SEMA6D: variants seen among roughly 807,000 people sequenced by gnomAD.
SEMA6D encodes semaphorin-6D.
SEMA6D carries 35 observed loss-of-function variants against 106.6 expected under a neutral mutation model. The ratio of observed to expected loss-of-function variants is 0.33; its 90% CI spans 0.25 to 0.44. The LOEUF (loss-of-function observed/expected upper bound fraction) is 0.44. Among genes scored for constraint, SEMA6D ranks in the 20% least tolerant of loss-of-function variants. The pLI, the probability that SEMA6D is intolerant of heterozygous loss-of-function variation, is 1.00. For synonymous variants in SEMA6D, 499 were observed against 487.7 expected (o/e 1.02, Z -0.31); for missense variants, 1,185 against 1,345.9 (o/e 0.88, Z 1.87).
At chr15:47,456,502 C>T (rs1008366131) in intron 2 of SEMA6D, among the ~76,000 whole-genome samples, 4 of 151,796 alleles carry the variant, frequency 2.6e-5, no homozygotes, top group East Asian at 1.9e-4. Context: ...TTAGAGCTGC[C>T]GCTAGAATTT....
chr15:47,415,011 TA>T (rs2040914125), intron 2 of SEMA6D, among the ~76,000 whole-genome samples: 1 of 152,150 alleles, frequency 6.6e-6, no homozygotes, highest in Admixed American at 6.5e-5. Context: ...AAATAATAAG[TA>T]AAAAATACTT....
At chr15:47,409,327 G>A (rs2040703641) in intron 1 of SEMA6D, among the ~76,000 whole-genome samples, 1 of 152,148 alleles carries the variant, frequency 6.6e-6, no homozygotes, top group South Asian at 2.1e-4. Context: ...TGCCTGAAAT[G>A]CACCCTCAGC....
chr15:47,490,554 A>G (rs1340607344), intron 3 of SEMA6D, among the ~76,000 whole-genome samples: 1 of 152,166 alleles, frequency 6.6e-6, no homozygotes, highest in African/African-American at 2.4e-5. Context: ...CTGAGGCAGG[A>G]GAATCACTGG....
intron 1 of SEMA6D, among the ~76,000 whole-genome samples, chr15:47,217,379 G>T (rs1441641291): frequency 6.6e-6 from 1 of 152,088 alleles, no homozygotes; most frequent in Non-Finnish European, 1.5e-5. Context: ...TTTGAACCAG[G>T]TATACCTTGT....
intron 3 of SEMA6D, among the ~76,000 whole-genome samples, chr15:47,509,591 A>G (rs1217819838): frequency 6.6e-6 from 1 of 152,152 alleles, no homozygotes; most frequent in African/African-American, 2.4e-5. Flanking sequence ...CCATACAGCT[A>G]CTTTCTATCC....
At position 47,282,409 on chromosome 15, in the gene SEMA6D, A is replaced by G. The variant is rs141408414; in HGVS notation, c.-239+97991A>G. ...AATAGAATACTATACAGCAGGGAGA[A>G]TAAATACTCACAGTATCCTATTATA... is the stretch of plus-strand genomic sequence containing the variant. On this transcript the variant is annotated intron_variant, in intron 1 of 19. Coordinates refer to the SEMA6D transcript ENST00000558014. Among the ~76,000 whole-genome samples, 679 of 152,280 alleles carry G rather than the reference A, an allele frequency of 4.5e-3. 9 individuals carry two copies. The highest frequency in any genetic ancestry group is 0.015 in the African/African-American group (639 of 41,576).
At chr15:47,496,245 A>AC (rs2043653808) in intron 3 of SEMA6D, among the ~76,000 whole-genome samples, 1 of 152,086 alleles carries the variant, frequency 6.6e-6, no homozygotes, top group Non-Finnish European at 1.5e-5. Context: ...TTAGACCTGA[A>AC]CCATATTTTG....
At chr15:47,473,235 C>T (rs2042905798) in intron 3 of SEMA6D, among the ~76,000 whole-genome samples, 1 of 152,174 alleles carries the variant, frequency 6.6e-6, no homozygotes, top group Admixed American at 6.5e-5. Flanking sequence ...GCACTCTGGG[C>T]CCTTCCCCTC....
intron 3 of SEMA6D, among the ~76,000 whole-genome samples, chr15:47,555,130 CA>C (rs1161733428): frequency 2.0e-5 from 3 of 152,130 alleles, no homozygotes; most frequent in African/African-American, 7.2e-5. Flanking sequence ...GCCACTTCCC[CA>C]GGAGGATGTT....
At chr15:47,545,774 T>G (rs2045500999) in intron 3 of SEMA6D, among the ~76,000 whole-genome samples, 1 of 152,154 alleles carries the variant, frequency 6.6e-6, no homozygotes, top group African/African-American at 2.4e-5. Context: ...AAAGAAGCCC[T>G]GGAATGAACA....
intron 1 of SEMA6D, among the ~76,000 whole-genome samples, chr15:47,238,678 T>C (rs772856816): frequency 2.0e-4 from 31 of 151,638 alleles, no homozygotes; most frequent in Non-Finnish European, 4.0e-4. Flanking sequence ...AAAATCTAGG[T>C]CACAAAGGCA....
At chr15:47,503,677 T>G (rs1253831789) in intron 3 of SEMA6D, among the ~76,000 whole-genome samples, 1 of 133,576 alleles carries the variant, frequency 7.5e-6, no homozygotes, top group Admixed American at 8.4e-5. Context: ...AGGGGTGCTC[T>G]CTCTCTCTCT....
chr15:47,258,298 T>A (rs969228282), intron 1 of SEMA6D, among the ~76,000 whole-genome samples: 9 of 152,206 alleles, frequency 5.9e-5, no homozygotes, highest in African/African-American at 2.2e-4. Context: ...TGATGATTAG[T>A]TTTTATGTGT....
chr15:47,514,697 G>T (rs536433441), intron 3 of SEMA6D, among the ~76,000 whole-genome samples: 1 of 152,160 alleles, frequency 6.6e-6, no homozygotes. Context: ...CTTTATTACA[G>T]TAGTCTCCTC....
chr15:47,360,334 G>A (rs190772976), intron 1 of SEMA6D, among the ~76,000 whole-genome samples: 20 of 152,326 alleles, frequency 1.3e-4, no homozygotes, highest in Admixed American at 4.6e-4. Context: ...AAGTCTATGG[G>A]AGCAACATGC....
intron 1 of SEMA6D, among the ~76,000 whole-genome samples, chr15:47,311,826 A>T (rs2036458999): frequency 6.6e-6 from 1 of 152,168 alleles, no homozygotes; most frequent in Non-Finnish European, 1.5e-5. Context: ...TGTCTACATG[A>T]GGCAAACCAA....
chr15:47,383,412 A>G (rs1480520207), intron 1 of SEMA6D, among the ~76,000 whole-genome samples: 30 of 152,138 alleles, frequency 2.0e-4, no homozygotes, highest in Admixed American at 2.0e-3. Context: ...AAGCACTATG[A>G]TTGGTCTCTA....
intron 1 of SEMA6D, among the ~76,000 whole-genome samples, chr15:47,746,574 G>T (rs1015620341): frequency 6.6e-6 from 1 of 152,208 alleles, no homozygotes; most frequent in Non-Finnish European, 1.5e-5. Context: ...CAAGTCAGTA[G>T]CATCAGAACA....
intron 3 of SEMA6D, among the ~76,000 whole-genome samples, chr15:47,504,924 A>G: frequency 6.6e-6 from 1 of 151,894 alleles, no homozygotes; most frequent in East Asian, 1.9e-4. Flanking sequence ...CTTCTGTGGG[A>G]AAAAAGAGGC....
Sources: gnomAD v4.1 joint callset for allele counts (sites outside exome capture counted in the v4.1 genomes callset) on GRCh38, gnomAD v4.1.1 for gene constraint, MANE v1.5 for transcripts, NCBI Gene and HGNC (gene_info 2026-07-23, HGNC 2026-07-21) for gene names.